Variants in DLGAP5 observed in about 807,000 individuals in gnomAD.
DLGAP5 encodes DLG associated protein 5, also known as disks large-associated protein 5.
In DLGAP5, 90 loss-of-function variants were observed where a neutral mutation model predicts 99.6. The observed-to-expected ratio is 0.90, with a 90% confidence interval of 0.76 to 1.08. The LOEUF is 1.08. DLGAP5 is among the 50% of genes least tolerant of loss of function. DLGAP5 has a pLI of 0.00. For missense variants in DLGAP5, 1,036 were observed against 983.5 expected (o/e 1.05, Z -0.71); for synonymous variants, 311 against 321.3 (o/e 0.97, Z 0.34).
rs781305986 is a variant in DLGAP5 at position 55,151,777 on chromosome 14, ATCC to A, written c.2283_2285del (p.Gln761_Asp762delinsHis). ...TTTTTTCAGGGCTACTCATCAAAAC[ATCC>A]TGTGATGTAATTGAAGAATTCAGTT... On this transcript the variant is annotated inframe_deletion, in exon 17 of 19. Transcript: ENST00000247191. 1 of 1,613,842 alleles carries A rather than the reference ATCC, an allele frequency of 6.2e-7. No homozygotes were observed. The highest frequency in any genetic ancestry group is 2.2e-5 in the East Asian group (1 of 44,838).
At chr14:55,178,800 A>C (rs1050265123) in intron 7 of DLGAP5, among the ~76,000 whole-genome samples, 1 of 152,140 alleles carries the variant, frequency 6.6e-6, no homozygotes, top group African/African-American at 2.4e-5. Flanking sequence ...TAATCCCAGC[A>C]CTTTGGGAGG....
At chr14:55,160,458 T>C (rs1196810902) in intron 13 of DLGAP5, among the ~76,000 whole-genome samples, 2 of 151,940 alleles carry the variant, frequency 1.3e-5, no homozygotes, top group Non-Finnish European at 2.9e-5. Flanking sequence ...TACTACTTTT[T>C]GTTATTTTTG....
chr14:55,171,393 A>T (rs1882853985), intron 10 of DLGAP5, among the ~76,000 whole-genome samples: 1 of 152,188 alleles, frequency 6.6e-6, no homozygotes, highest in African/African-American at 2.4e-5. Flanking sequence ...TACCCACAAC[A>T]AGTATACAAT....
chr14:55,168,750 T>C (rs912752689), intron 12 of DLGAP5, among the ~76,000 whole-genome samples: 1 of 152,174 alleles, frequency 6.6e-6, no homozygotes, highest in Non-Finnish European at 1.5e-5. Flanking sequence ...ATTAATACAA[T>C]ACGGGCACAC....
chr14:55,175,425 G>T lies in DLGAP5; in HGVS notation c.1222C>A (p.Leu408Ile). Residue 408 changes from leucine to isoleucine, a missense_variant, in exon 10 of 19, where the codon CTT becomes ATT. Coordinates refer to ENST00000247191, the MANE Select transcript of DLGAP5 (RefSeq NM_014750.5). ...AGTGATGGGACTTCTTTTATTGGAA[G>T]GCCATTTAAATTTTTAGTAGTAGCT... ...NEATTKNLNG[L>I]PIKEVPSLER... is the part of the protein sequence containing the mutation. 1 of 1,548,298 alleles carries T rather than the reference G, an allele frequency of 6.5e-7. No individual in the cohort carries two copies. Among genetic ancestry groups the T allele is most frequent in the Admixed American group, 1.7e-5 (1 of 57,850 alleles).
chr14:55,149,431 T>C (rs1170252127), intron 18 of DLGAP5, among the ~76,000 whole-genome samples: 1 of 150,034 alleles, frequency 6.7e-6, no homozygotes, highest in Non-Finnish European at 1.5e-5. Context: ...GCCCAGAGCC[T>C]GACCACAAAA....
chr14:55,164,048 C>T (rs1333503535), intron 12 of DLGAP5, among the ~76,000 whole-genome samples: 3 of 152,108 alleles, frequency 2.0e-5, no homozygotes, highest in African/African-American at 7.2e-5. Context: ...AATATAATCC[C>T]CATCTTTCTG....
intron 12 of DLGAP5, among the ~76,000 whole-genome samples, chr14:55,165,554 C>T (rs941042468): frequency 1.3e-5 from 2 of 151,860 alleles, no homozygotes; most frequent in African/African-American, 4.8e-5. Flanking sequence ...CCAAAAAAAC[C>T]CTACAATGAG....
chr14:55,175,279 T>G, intron 10 of DLGAP5, 67 bp downstream of exon 10: 1 of 1,485,648 alleles, frequency 6.7e-7, no homozygotes, highest in Non-Finnish European at 9.1e-7. Context: ...GTTAAAAATT[T>G]TTAGTTTTGG....
At chr14:55,179,119 TC>T (rs1883188349) in intron 7 of DLGAP5, among the ~76,000 whole-genome samples, 1 of 152,194 alleles carries the variant, frequency 6.6e-6, no homozygotes, top group Non-Finnish European at 1.5e-5. Context: ...AAATGGGGCA[TC>T]TTTTTTGAAG....
intron 2 of DLGAP5, among the ~76,000 whole-genome samples, chr14:55,184,639 G>C: frequency 6.6e-6 from 1 of 152,122 alleles, no homozygotes; most frequent in Non-Finnish European, 1.5e-5. Context: ...CTCTTGAAGC[G>C]TCGCTTGCTC....
At chr14:55,189,217 T>A in intron 1 of DLGAP5, 37 bp from the exon 2 acceptor site, 1 of 1,501,104 alleles carries the variant, frequency 6.7e-7, no homozygotes, top group Non-Finnish European at 9.2e-7. Context: ...CTTACATGAA[T>A]TTTCATTATT....
At chr14:55,182,759 C>T (rs540912368) in intron 3 of DLGAP5, among the ~76,000 whole-genome samples, 1 of 152,242 alleles carries the variant, frequency 6.6e-6, no homozygotes, top group South Asian at 2.1e-4. Context: ...CTTCTGCCTA[C>T]CTAAAAGTGC....
Position 55,169,531 on chromosome 14 carries a change from A to G in DLGAP5, c.1416T>C (p.Gly472=). 1.3e-6 allele frequency: 2 copies of G among 1,597,488 alleles called. No individual in the cohort carries two copies. Among genetic ancestry groups the G allele is most frequent in the Non-Finnish European group, 1.7e-6 (2 of 1,175,970 alleles). ...DAKDLIRTAV[G]QTRLLMKERF... Reference sequence around the variant, plus strand: ...TTTCCTTCATAAGGAGTCTTGTTTGACCAACTGCTGTGCGAATAAGATCTT... The same window carrying G: ...TTTCCTTCATAAGGAGTCTTGTTTGGCCAACTGCTGTGCGAATAAGATCTT... The change falls in exon 12 of 19, where the codon GGT becomes GGC. Residue 472 remains glycine (G), a synonymous_variant. Coordinates refer to ENST00000247191, the MANE Select transcript of DLGAP5 (RefSeq NM_014750.5).
chr14:55,149,923 A>G (rs1219200679), intron 18 of DLGAP5, among the ~76,000 whole-genome samples: 2 of 151,692 alleles, frequency 1.3e-5, no homozygotes, highest in Admixed American at 1.3e-4. Context: ...TGTGGTGGCA[A>G]GCACCTGTAA....
intron 2 of DLGAP5, among the ~76,000 whole-genome samples, chr14:55,187,031 C>T (rs1171502553): frequency 6.6e-6 from 1 of 151,994 alleles, no homozygotes; most frequent in Non-Finnish European, 1.5e-5. Flanking sequence ...GCCTCAGCCG[C>T]CCAAGTAGCT....
intron 13 of DLGAP5, among the ~76,000 whole-genome samples, chr14:55,160,626 T>C (rs1266952441): frequency 6.6e-6 from 1 of 151,570 alleles, no homozygotes; most frequent in Non-Finnish European, 1.5e-5. Context: ...TTTTTATTTT[T>C]AGTAGAGACA....
chr14:55,171,320 C>T (rs1882849783), intron 10 of DLGAP5, among the ~76,000 whole-genome samples: 1 of 152,154 alleles, frequency 6.6e-6, no homozygotes, highest in Non-Finnish European at 1.5e-5. Flanking sequence ...TTTTGATTGT[C>T]ATGACTGGAG....
Position 55,158,585 on chromosome 14 carries a change from C to G in DLGAP5, c.1810G>C (p.Val604Leu). ...CCAGCATCGAACACTATTTTATCAA[C>G]TTCCTTTGGTATCACAGAAACTGCT... ...ETAVSVIPKE[V>L]DKIVFDAGFF... Residue 604 changes from valine (V) to leucine (L), a missense_variant, in exon 14 of 19, where the codon GTT becomes CTT. By Grantham distance (32) the Val-to-Leu change is conservative. Coordinates refer to ENST00000247191, the MANE Select transcript of DLGAP5 (RefSeq NM_014750.5). The G allele has an allele frequency of 6.2e-7, 1 of 1,614,136 alleles. No homozygotes were observed. The highest frequency in any genetic ancestry group is 8.5e-7 in the Non-Finnish European group (1 of 1,180,014).
Sources: allele counts gnomAD v4.1 joint callset (sites outside exome capture counted in the v4.1 genomes callset), GRCh38; gene constraint gnomAD v4.1.1; transcripts MANE v1.5; gene names NCBI Gene and HGNC (gene_info 2026-07-23, HGNC 2026-07-21).